Variants in ZNF500 observed in about 807,000 individuals in gnomAD.
ZNF500 encodes the protein zinc finger protein 500, also known as zinc finger protein with KRAB and SCAN domains 18.
ZNF500 carries 31 observed loss-of-function variants against 30.1 expected under a neutral mutation model. That is an observed-to-expected ratio of 1.03 (90% CI 0.77 to 1.39). The LOEUF is 1.39. ZNF500 is among the 40% of genes most tolerant of loss of function. ZNF500 has a pLI of 0.00. For synonymous variants in ZNF500, 392 were observed against 282.0 expected (o/e 1.39, Z -3.91); for missense variants, 817 against 657.8 (o/e 1.24, Z -2.65).
intron 5 of ZNF500, among the ~76,000 whole-genome samples, chr16:4,759,765 G>A (rs1257977863): frequency 6.6e-6 from 1 of 152,204 alleles, no homozygotes; most frequent in Non-Finnish European, 1.5e-5. Flanking sequence ...GGCCACGCAC[G>A]GTGGCTCACA....
rs1453891668 is a variant in ZNF500 at position 4,765,664 on chromosome 16, C to G, written c.315G>C (p.Glu105Asp). The G allele has an allele frequency of 6.2e-7, 1 of 1,613,586 alleles. No individual in the cohort carries two copies. The highest frequency in any genetic ancestry group is 8.5e-7 in the Non-Finnish European group (1 of 1,180,004). The change falls in exon 2 of 6, where the codon GAG (glutamate) becomes GAC (aspartate). Residue 105 changes from glutamate (E) to aspartate (D), a missense_variant. Glu to Asp is a conservative substitution (Grantham distance 45, BLOSUM62 2). Transcript: ENST00000219478. ...LEQFLTVLPGEIQARVREQQP... is the reference protein window; with the variant it reads ...LEQFLTVLPGDIQARVREQQP... ...GCTGCTCGCGTACCCGAGCCTGGAT[C>G]TCCCCCGGCAGCACAGTCAGGAACT...
At chr16:4,754,127 G>A (rs1268638538) in intron 5 of ZNF500, among the ~76,000 whole-genome samples, 1 of 152,224 alleles carries the variant, frequency 6.6e-6, no homozygotes, top group Non-Finnish European at 1.5e-5. Flanking sequence ...GGCTGGGGGA[G>A]CAGCCGTCTT....
At chr16:4,756,168 C>T (rs578104291) in intron 5 of ZNF500, among the ~76,000 whole-genome samples, 1 of 152,272 alleles carries the variant, frequency 6.6e-6, no homozygotes, top group East Asian at 1.9e-4. Context: ...AATGCCGATG[C>T]GGGCTGATCA....
chr16:4,763,340 A>C (rs555964487), intron 2 of ZNF500, among the ~76,000 whole-genome samples: 2 of 151,720 alleles, frequency 1.3e-5, no homozygotes, highest in Admixed American at 1.3e-4. Flanking sequence ...TACAGGTTGC[A>C]GTGAGCCGAG....
In ZNF500 at chr16:4,765,936, G is replaced by A. The variant is rs764561346; in HGVS notation, c.43C>T (p.Gln15Ter). ...PGLQPLPTLE[Q>*]DLEQEEILIV... ...AGGATCTCTTCCTGTTCCAGGTCCT[G>A]CTCCAAGGTTGGCAGGGGCTGGAGG... is the stretch of plus-strand genomic sequence containing the variant. The change falls in exon 2 of 6, where the codon CAG (glutamine) becomes TAG (stop). Residue 15 changes from glutamine (Q) to a stop codon, truncating the protein, a stop_gained. Transcript: ENST00000219478. LOFTEE classifies it high-confidence loss of function. The A allele has an allele frequency of 6.3e-7, 1 of 1,596,956 alleles. No individual in the cohort carries two copies. Among genetic ancestry groups the A allele is most frequent in the African/African-American group, 1.3e-5 (1 of 74,302 alleles).
At position 4,752,144 on chromosome 16, in the gene ZNF500, T is replaced by C; in HGVS notation, c.*232A>G. On this transcript the variant is annotated 3_prime_UTR_variant, in exon 6 of 6. Transcript: ENST00000219478. ...CTGTGGCTGAAGCCCCTGCTCTGTG[T>C]CACCTGTTCTGGCTGCCACTGGACA... 1 of 1,371,108 alleles carries C rather than the reference T, an allele frequency of 7.3e-7. No homozygotes were observed. Among genetic ancestry groups the C allele is most frequent in the Admixed American group, 3.3e-5 (1 of 30,140 alleles). 84.9% of individuals were successfully genotyped at this position (1,371,108 alleles called of 1,614,324 possible). A position where few individuals can be genotyped will look rare whatever the true frequency, so the allele number is the denominator to read the frequency against.
chr16:4,759,125 G>A (rs1441940349), intron 5 of ZNF500, among the ~76,000 whole-genome samples: 3 of 151,488 alleles, frequency 2.0e-5, no homozygotes, highest in Admixed American at 6.6e-5. Flanking sequence ...CAGGAGAATC[G>A]CTTGAACCTG....
At chr16:4,745,073 CACTG>C (rs1197541399), downstream of ZNF500, 9 of 1,566,824 alleles carry the variant, frequency 5.7e-6, no homozygotes, top group Admixed American at 1.7e-5. Flanking sequence ...GGTTTTGTAG[CACTG>C]ACTGGGCCTA....
intron 5 of ZNF500, among the ~76,000 whole-genome samples, chr16:4,756,078 C>T (rs1033003558): frequency 3.3e-5 from 5 of 152,040 alleles, no homozygotes; most frequent in Admixed American, 6.6e-5. Context: ...TTGTTGGGTA[C>T]GAGGTTTCCA....
downstream of ZNF500, chr16:4,746,064 G>A (rs1490061687): frequency 7.7e-6 from 2 of 260,592 alleles, no homozygotes; most frequent in South Asian, 9.3e-5. Context: ...GAATGTGACT[G>A]AGGAACTGAA....
At chr16:4,760,437 T>C in intron 5 of ZNF500, 55 bp downstream of exon 5, 2 of 1,543,850 alleles carry the variant, frequency 1.3e-6, no homozygotes, top group East Asian at 2.3e-5. Flanking sequence ...AGCTGGTGCC[T>C]GACAGTTCCT....
intron 2 of ZNF500, chr16:4,763,869 T>C (rs2082234470): frequency 1.0e-6 from 1 of 985,322 alleles, no homozygotes; most frequent in South Asian, 4.7e-5. Context: ...GTGCCTCCTC[T>C]GTTGGCTGCA....
chr16:4,745,593 G>A (rs1335212861), downstream of ZNF500, among the ~76,000 whole-genome samples: 1 of 152,202 alleles, frequency 6.6e-6, no homozygotes, highest in Non-Finnish European at 1.5e-5. Flanking sequence ...GAGAACCAGT[G>A]AATCCCTTTT....
Position 4,751,916 on chromosome 16 carries a change from AAG to A in ZNF500, c.*458_*459del, listed in dbSNP as rs2082081884. Reference sequence around the variant, plus strand: ...CAGCAAGGCCCCGTCTCAAAAAAAAAAGGGGGGGGGAGCAGGTGGGGGGTACA... The same window carrying A: ...CAGCAAGGCCCCGTCTCAAAAAAAAAGGGGGGGGAGCAGGTGGGGGGTACA... On this transcript the variant is annotated 3_prime_UTR_variant, in exon 6 of 6. Transcript: ENST00000219478. 2 of 268,600 alleles carry A rather than the reference AAG, an allele frequency of 7.4e-6. No individual in the cohort carries two copies. Among genetic ancestry groups the A allele is most frequent in the African/African-American group, 2.5e-5 (1 of 39,406 alleles). The allele number at this position is 268,600 out of a possible 1,614,324, so 16.6% of individuals were successfully genotyped here.
downstream of ZNF500, among the ~76,000 whole-genome samples, chr16:4,747,859 G>C (rs2082037893): frequency 6.6e-6 from 1 of 152,132 alleles, no homozygotes; most frequent in Admixed American, 6.6e-5. Flanking sequence ...AACAGCTTTG[G>C]GATAAAGGGG....
chr16:4,747,741 G>C, downstream of ZNF500: 1 of 1,338,130 alleles, frequency 7.5e-7, no homozygotes, highest in South Asian at 1.5e-5. Flanking sequence ...GCATTCCAGA[G>C]GCAGGGACCC....
At chr16:4,745,876 C>A (rs954358957), downstream of ZNF500, among the ~76,000 whole-genome samples, 1 of 151,552 alleles carries the variant, frequency 6.6e-6, no homozygotes, top group Admixed American at 6.6e-5. Flanking sequence ...ATCTCTTGAA[C>A]CCAGGAGGCG....
intron 2 of ZNF500, chr16:4,764,198 G>A (rs2082237754): frequency 1.8e-6 from 1 of 557,940 alleles, no homozygotes; most frequent in Non-Finnish European, 2.3e-6. Context: ...GAGCCCTTGA[G>A]AGGTGGTCAG....
intron 2 of ZNF500, 77 bp downstream of exon 2, chr16:4,765,488 A>G (rs1408344451): frequency 1.4e-5 from 21 of 1,515,422 alleles, no homozygotes; most frequent in South Asian, 5.3e-5. Context: ...TCACCCAATG[A>G]CCAAGGAATC....
Sources: gnomAD v4.1 joint callset for allele counts (sites outside exome capture counted in the v4.1 genomes callset) on GRCh38, gnomAD v4.1.1 for gene constraint, MANE v1.5 for transcripts, NCBI Gene and HGNC (gene_info 2026-07-23, HGNC 2026-07-21) for gene names.